The following PLCH1 variants were observed in gnomAD, a reference collection of about 807,000 sequenced individuals.
PLCH1 encodes the protein phospholipase C eta 1, also known as 1-phosphatidylinositol 4,5-bisphosphate phosphodiesterase eta-1.
In PLCH1, 60 loss-of-function variants were observed where a neutral mutation model predicts 126.7. The observed-to-expected ratio is 0.47, with a 90% confidence interval of 0.38 to 0.59. PLCH1 has a LOEUF of 0.59. PLCH1 is among the 20% of genes least tolerant of loss of function. The pLI, the probability that PLCH1 is intolerant of heterozygous loss-of-function variation, is 0.00. For missense variants in PLCH1, 1,723 were observed against 2,040.0 expected, an observed-to-expected ratio of 0.84 and a Z score of 2.99; for synonymous variants, 719 against 734.9, an observed-to-expected ratio of 0.98 and a Z score of 0.35.
chr3:155,704,943 C>G (rs1746547020), intron 1 of PLCH1, among the ~76,000 whole-genome samples: 1 of 152,202 alleles, frequency 6.6e-6, no homozygotes. Flanking sequence ...AGAGCAACAA[C>G]TTGAAAAGCA....
At chr3:155,733,738 A>G (rs1044735988) in intron 1 of PLCH1, among the ~76,000 whole-genome samples, 7 of 151,900 alleles carry the variant, frequency 4.6e-5, no homozygotes, top group African/African-American at 1.7e-4. Flanking sequence ...ACTAAAAAAG[A>G]GAATGAATAA....
chr3:155,517,325 TAA>T (rs765976913), intron 11 of PLCH1, among the ~76,000 whole-genome samples: 21 of 152,050 alleles, frequency 1.4e-4, no homozygotes, highest in Non-Finnish European at 2.8e-4. Context: ...AATAATAAAA[TAA>T]AGTTTCCTGT....
At chr3:155,660,656 G>A (rs554596422) in intron 2 of PLCH1, among the ~76,000 whole-genome samples, 1 of 152,152 alleles carries the variant, frequency 6.6e-6, no homozygotes, top group Non-Finnish European at 1.5e-5. Context: ...GGGGTAGGGG[G>A]TTTGCCCTAA....
At chr3:155,546,325 T>A (rs1725274492) in intron 10 of PLCH1, among the ~76,000 whole-genome samples, 1 of 152,086 alleles carries the variant, frequency 6.6e-6, no homozygotes, top group African/African-American at 2.4e-5. Context: ...GGAATCCAAC[T>A]TACAAGGGAC....
downstream of PLCH1, among the ~76,000 whole-genome samples, chr3:155,474,915 T>C (rs555126880): frequency 2.7e-5 from 3 of 109,456 alleles, no homozygotes; most frequent in South Asian, 1.0e-3. Flanking sequence ...TATCACACTC[T>C]GGGGACTGTG....
At chr3:155,725,241 C>T (rs1748232741) in intron 1 of PLCH1, among the ~76,000 whole-genome samples, 1 of 152,054 alleles carries the variant, frequency 6.6e-6, no homozygotes, top group South Asian at 2.1e-4. Flanking sequence ...TCTTTATAGG[C>T]TACCTGAAGA....
chr3:155,744,277 G>C (rs368988726), intron 1 of PLCH1, among the ~76,000 whole-genome samples: 22 of 152,302 alleles, frequency 1.4e-4, no homozygotes, highest in East Asian at 5.8e-4. Context: ...CGCCGCTCGG[G>C]CGCTCTTGGT....
intron 4 of PLCH1, among the ~76,000 whole-genome samples, chr3:155,593,113 A>G (rs1224322310): frequency 6.6e-6 from 1 of 152,084 alleles, no homozygotes; most frequent in Non-Finnish European, 1.5e-5. Context: ...ACGGCAAGGG[A>G]GTAGCGCTAC....
chr3:155,591,020 A>G (rs1228462570), intron 4 of PLCH1, among the ~76,000 whole-genome samples: 1 of 152,220 alleles, frequency 6.6e-6, no homozygotes, highest in Non-Finnish European at 1.5e-5. Flanking sequence ...CCCATAGACT[A>G]TGAAAACTTT....
chr3:155,459,040 G>A (rs554981626), intron 21 of PLCH1, among the ~76,000 whole-genome samples: 34 of 152,158 alleles, frequency 2.2e-4, no homozygotes, highest in Non-Finnish European at 4.0e-4. Flanking sequence ...TAATAACAAC[G>A]GGCAAGCTGT....
At chr3:155,726,913 G>A (rs985223398) in intron 1 of PLCH1, among the ~76,000 whole-genome samples, 4 of 143,796 alleles carry the variant, frequency 2.8e-5, no homozygotes, top group South Asian at 2.2e-4. Context: ...GTAGAGACAC[G>A]GTTTCACCAC....
rs373217271 is a variant in PLCH1, at chr3:155,566,352, C to CGT, written c.866-1235_866-1234insAC. On this transcript the variant is annotated intron_variant, in intron 7 of 22. Coordinates refer to ENST00000460012, the MANE Select transcript of PLCH1 (RefSeq NM_014996.4). ...ATACGTATATATACACATATATATA[C>CGT]ATATATATACACACATATATATATG... Among the ~76,000 whole-genome samples, 17 of 27,934 alleles carry CGT rather than the reference C, an allele frequency of 6.1e-4. 1 individual carries two copies. The highest frequency in any genetic ancestry group is 2.8e-3 in the South Asian group (4 of 1,434). 18.3% of individuals were successfully genotyped at this position (27,934 alleles called of 152,430 possible).
intron 2 of PLCH1, among the ~76,000 whole-genome samples, chr3:155,642,302 T>C (rs1287867745): frequency 2.6e-5 from 4 of 152,194 alleles, no homozygotes; most frequent in African/African-American, 7.2e-5. Flanking sequence ...ATCACTGCAT[T>C]CTTTAGTATA....
intron 21 of PLCH1, chr3:155,486,352 T>C (rs899163806): frequency 8.4e-6 from 5 of 597,522 alleles, no homozygotes; most frequent in East Asian, 2.9e-5. Flanking sequence ...TGCTCATTCA[T>C]TGTTCAACCA....
chr3:155,459,900 A>G (rs1289440677), intron 21 of PLCH1, among the ~76,000 whole-genome samples: 1 of 152,226 alleles, frequency 6.6e-6, no homozygotes, highest in Non-Finnish European at 1.5e-5. Flanking sequence ...AGCAGTGGTT[A>G]TCAAAGTGTG....
At chr3:155,674,727 A>G (rs1743921135) in intron 2 of PLCH1, among the ~76,000 whole-genome samples, 1 of 152,184 alleles carries the variant, frequency 6.6e-6, no homozygotes, top group Non-Finnish European at 1.5e-5. Context: ...GACACCTTAC[A>G]TTCATCAACT....
chr3:155,645,429 C>T (rs975179015), intron 2 of PLCH1, among the ~76,000 whole-genome samples: 2 of 152,160 alleles, frequency 1.3e-5, no homozygotes, highest in African/African-American at 4.8e-5. Flanking sequence ...GTATAAGACA[C>T]ATAGTCACAG....
At chr3:155,656,805 A>T (rs1577255357) in intron 2 of PLCH1, among the ~76,000 whole-genome samples, 2 of 152,318 alleles carry the variant, frequency 1.3e-5, no homozygotes, top group Admixed American at 1.3e-4. Context: ...ATGTAATCAG[A>T]TAAGAAAAAA....
intron 10 of PLCH1, among the ~76,000 whole-genome samples, chr3:155,537,659 T>C (rs547860658): frequency 1.8e-4 from 27 of 152,058 alleles, no homozygotes; most frequent in African/African-American, 6.5e-4. Context: ...AGAGGGACAC[T>C]ATACCATGAT....
Sources: gnomAD v4.1 joint callset for allele counts (sites outside exome capture counted in the v4.1 genomes callset) on GRCh38, gnomAD v4.1.1 for gene constraint, MANE v1.5 for transcripts, NCBI Gene and HGNC (gene_info 2026-07-23, HGNC 2026-07-21) for gene names.